SPPL3: variants seen among roughly 807,000 people sequenced by gnomAD.
SPPL3 encodes the protein signal peptide peptidase like 3, also known as signal peptide peptidase-like 3.
Under a neutral mutation model 42.4 loss-of-function variants are expected in SPPL3, and 5 were observed. The observed-to-expected ratio is 0.12, with a 90% confidence interval of 0.06 to 0.25. The LOEUF (loss-of-function observed/expected upper bound fraction) is 0.25. Ranked by LOEUF, SPPL3 falls within the 10% of genes least tolerant of loss-of-function variation. SPPL3 has a pLI of 1.00. For synonymous variants in SPPL3, 195 were observed against 181.8 expected (o/e 1.07, Z -0.58); for missense variants, 235 against 489.0 (o/e 0.48, Z 4.90).
chr12:120,876,634 A>AAAAAAG (rs1483322103), intron 1 of SPPL3, among the ~76,000 whole-genome samples: 3 of 148,726 alleles, frequency 2.0e-5, no homozygotes, highest in South Asian at 2.1e-4. Context: ...AAAAAAAAAA[A>AAAAAAG]AAGAAGAAAG....
At chr12:120,848,659 T>C (rs901674580) in intron 1 of SPPL3, among the ~76,000 whole-genome samples, 5 of 152,226 alleles carry the variant, frequency 3.3e-5, no homozygotes, top group Non-Finnish European at 5.9e-5. Flanking sequence ...ATAAGCCAAA[T>C]TGACAATTTT....
intron 9 of SPPL3, among the ~76,000 whole-genome samples, chr12:120,766,597 C>G (rs1455318579): frequency 6.6e-6 from 1 of 152,238 alleles, no homozygotes; most frequent in African/African-American, 2.4e-5. Flanking sequence ...TCACTCCTTG[C>G]TCAGGTTCCT....
chr12:120,843,956 C>G (rs1056920760), intron 1 of SPPL3, among the ~76,000 whole-genome samples: 7 of 152,054 alleles, frequency 4.6e-5, no homozygotes, highest in Non-Finnish European at 1.0e-4. Flanking sequence ...AGATTCCTCC[C>G]AAAAATAAAT....
At position 120,766,116 on chromosome 12, in the gene SPPL3, A is replaced by G. The variant is rs1286875183; in HGVS notation, c.1083+147T>C. On this transcript the variant is annotated intron_variant, in intron 10 of 10. Transcript: ENST00000353487. ...CGCGCGCGCGCACACACACACACAC[A>G]CACACACACACACACACACACACAC... 33 of 180,094 alleles carry G rather than the reference A, an allele frequency of 1.8e-4. 3 individuals carry two copies. The highest frequency in any genetic ancestry group is 3.4e-4 in the Admixed American group (2 of 5,884). 11.2% of individuals were successfully genotyped at this position (180,094 alleles called of 1,614,324 possible).
chr12:120,884,860 T>C (rs1257997659), intron 1 of SPPL3, among the ~76,000 whole-genome samples: 1 of 142,842 alleles, frequency 7.0e-6, no homozygotes, highest in Non-Finnish European at 1.5e-5. Context: ...GTGAAGTGGG[T>C]GACAAGTCAC....
intron 1 of SPPL3, among the ~76,000 whole-genome samples, chr12:120,891,601 TGA>T (rs763734222): frequency 3.3e-5 from 5 of 152,246 alleles, no homozygotes; most frequent in Middle Eastern, 6.8e-3. Context: ...GAAATAGTAG[TGA>T]GAGAGAAATA....
chr12:120,832,300 T>C (rs1871450606), intron 1 of SPPL3, among the ~76,000 whole-genome samples: 1 of 152,210 alleles, frequency 6.6e-6, no homozygotes, highest in African/African-American at 2.4e-5. Flanking sequence ...AGATTGGTTT[T>C]GCCTTATATT....
At chr12:120,800,823 C>G (rs1158299590) in intron 2 of SPPL3, among the ~76,000 whole-genome samples, 1 of 152,068 alleles carries the variant, frequency 6.6e-6, no homozygotes, top group African/African-American at 2.4e-5. Flanking sequence ...TGAGAACATC[C>G]AGGGGGTTAA....
At chr12:120,807,430 C>T (rs1279703393) in intron 2 of SPPL3, among the ~76,000 whole-genome samples, 1 of 151,974 alleles carries the variant, frequency 6.6e-6, no homozygotes, top group Non-Finnish European at 1.5e-5. Context: ...AATCCCAGCA[C>T]TTTGGGAGGC....
In SPPL3 at chr12:120,781,681, G is replaced by A. The variant is rs116735418; in HGVS notation, c.502+974C>T. Among the ~76,000 whole-genome samples, 505 of 144,514 alleles carry A rather than the reference G, an allele frequency of 3.5e-3. 1 individual carries two copies. The highest frequency in any genetic ancestry group is 0.011 in the African/African-American group (446 of 39,256). 94.8% of individuals were successfully genotyped at this position (144,514 alleles called of 152,430 possible). The stretch of plus-strand genomic sequence containing the variant: ...CTCCGCCTCCCGGGTTCACACCTCC[G>A]GAGTTCTCCTGCCTCAGCCTCCCGA... On this transcript the variant is annotated intron_variant, in intron 6 of 10. Transcript: ENST00000353487.
chr12:120,847,105 C>A (rs771672836), intron 1 of SPPL3, among the ~76,000 whole-genome samples: 1 of 151,898 alleles, frequency 6.6e-6, no homozygotes, highest in Non-Finnish European at 1.5e-5. Context: ...AATACCTGCA[C>A]CAATAGCCTC....
rs748835945 is a variant in SPPL3 at position 120,781,554 on chromosome 12, C to CGT, written c.502+1099_502+1100dup. On this transcript the variant is annotated intron_variant, in intron 6 of 10. Transcript: ENST00000353487. ...GTCTAATCCCATCTCCTTATTGTTACGTTTTTTTTTTTTTTTTTTTTTTTT... is the reference window on the plus strand; with the variant it reads ...GTCTAATCCCATCTCCTTATTGTTACGTGTTTTTTTTTTTTTTTTTTTTTTTT... Among the ~76,000 whole-genome samples, 5 of 69,162 alleles carry CGT rather than the reference C, an allele frequency of 7.2e-5. 1 individual carries two copies. Among genetic ancestry groups the CGT allele is most frequent in the East Asian group, 3.9e-4 (1 of 2,558 alleles). The allele number at this position is 69,162 out of a possible 152,430, so 45.4% of individuals were successfully genotyped here. A position where few individuals can be genotyped will look rare whatever the true frequency, so the allele number is the denominator to read the frequency against.
intron 1 of SPPL3, among the ~76,000 whole-genome samples, chr12:120,833,405 C>A (rs374968817): frequency 5.2e-4 from 79 of 152,172 alleles, no homozygotes; most frequent in African/African-American, 1.7e-3. Flanking sequence ...GGAAGAACGT[C>A]TGAATCAAGG....
chr12:120,892,175 A>G (rs149529961), intron 1 of SPPL3, among the ~76,000 whole-genome samples: 57 of 152,236 alleles, frequency 3.7e-4, no homozygotes, highest in Middle Eastern at 6.8e-3. Flanking sequence ...TTCACCCCTA[A>G]AATATTCATT....
At chr12:120,779,359 C>T (rs2136975135) in intron 6 of SPPL3, among the ~76,000 whole-genome samples, 1 of 152,304 alleles carries the variant, frequency 6.6e-6, no homozygotes, top group Non-Finnish European at 1.5e-5. Context: ...CCTCCCAGAC[C>T]TGGCACTGGT....
Position 120,782,707 on chromosome 12 carries a change from A to G in SPPL3, c.450T>C (p.Ser150=), listed in dbSNP as rs772387054. 10 of 1,611,560 alleles carry G rather than the reference A, an allele frequency of 6.2e-6. No individual in the cohort carries two copies. Among genetic ancestry groups the G allele is most frequent in the Non-Finnish European group, 2.5e-6 (3 of 1,178,700 alleles). Residue 150 remains serine, a synonymous_variant, in exon 6 of 11, where the codon TCT becomes TCC. Transcript: ENST00000353487. ...GAACCCAGATGAGGACGAGCATGAC[A>G]GACAGAGAGAATGACAGCAACTCAG... The part of the protein sequence containing the change: ...TAAELLSFSL[S]VMLVLIWVLT...
At chr12:120,808,121 C>T (rs1465525373) in intron 2 of SPPL3, among the ~76,000 whole-genome samples, 1 of 147,144 alleles carries the variant, frequency 6.8e-6, no homozygotes, top group African/African-American at 2.5e-5. Context: ...TTTTCTTGAA[C>T]CAGGGTCTCA....
chr12:120,885,197 A>G (rs1873415560), intron 1 of SPPL3, among the ~76,000 whole-genome samples: 1 of 152,262 alleles, frequency 6.6e-6, no homozygotes, highest in Non-Finnish European at 1.5e-5. Context: ...AACAAGTGTC[A>G]AAGTATAAAA....
At chr12:120,821,446 G>A (rs1871068549) in intron 1 of SPPL3, among the ~76,000 whole-genome samples, 2 of 152,172 alleles carry the variant, frequency 1.3e-5, no homozygotes, top group African/African-American at 4.8e-5. Flanking sequence ...AAGAAATTAG[G>A]CAACTGGTTT....
Sources: allele counts gnomAD v4.1 joint callset (sites outside exome capture counted in the v4.1 genomes callset), GRCh38; gene constraint gnomAD v4.1.1; transcripts MANE v1.5; gene names NCBI Gene and HGNC (gene_info 2026-07-23, HGNC 2026-07-21).